The following JMJD1C variants were observed in gnomAD, a reference collection of about 807,000 sequenced individuals.
The protein encoded by JMJD1C is jumonji domain containing 1C, also known as jumonji domain-containing protein 1C.
Under a neutral mutation model 245.3 loss-of-function variants are expected in JMJD1C, and 31 were observed. That is an observed-to-expected ratio of 0.13 (90% CI 0.09 to 0.17). JMJD1C has a LOEUF of 0.17. Among genes scored for constraint, JMJD1C ranks in the 10% least tolerant of loss-of-function variants. The pLI is 1.00. For synonymous variants in JMJD1C, 1,057 were observed against 1,017.4 expected (o/e 1.04, Z -0.74); for missense variants, 2,691 against 3,000.2 (o/e 0.90, Z 2.41).
chr10:63,414,187 T>C (rs756679466), intron 1 of JMJD1C, among the ~76,000 whole-genome samples: 2 of 151,920 alleles, frequency 1.3e-5, no homozygotes, highest in African/African-American at 2.4e-5. Flanking sequence ...AGGGTTTTAC[T>C]GTGTTAACCA....
intron 2 of JMJD1C, among the ~76,000 whole-genome samples, chr10:63,337,603 G>GAAAAAGA (rs201681810): frequency 9.9e-6 from 1 of 101,180 alleles, no homozygotes; most frequent in African/African-American, 6.2e-5. Context: ...GAAAAGAAAA[G>GAAAAAGA]AAAAGAAAAG....
At chr10:63,378,519 G>C (rs989325803) in intron 2 of JMJD1C, among the ~76,000 whole-genome samples, 2 of 152,102 alleles carry the variant, frequency 1.3e-5, no homozygotes, top group African/African-American at 4.8e-5. Flanking sequence ...GTGAACCCGG[G>C]AGGCAGAGCT....
At chr10:63,330,926 A>C (rs1386881193) in intron 2 of JMJD1C, among the ~76,000 whole-genome samples, 2 of 152,150 alleles carry the variant, frequency 1.3e-5, no homozygotes, top group Non-Finnish European at 2.9e-5. Flanking sequence ...CACATCTCTG[A>C]TATAAACTGT....
chr10:63,257,811 CTACT>C (rs1854166761), intron 3 of JMJD1C, among the ~76,000 whole-genome samples: 1 of 152,024 alleles, frequency 6.6e-6, no homozygotes, highest in African/African-American at 2.4e-5. Flanking sequence ...GAAATCTTAC[CTACT>C]TATTCTTCAT....
In JMJD1C at chr10:63,340,548, A is replaced by G. The variant is rs1169928447; in HGVS notation, c.333+39770T>C. On this transcript the variant is annotated intron_variant, in intron 2 of 25. Transcript: ENST00000399262. ...GAAGGCATTTATGTTTATATCACAGAAAGTCAAGTTGTTAGAGAAACTGGA... is the reference window on the plus strand; with the variant it reads ...GAAGGCATTTATGTTTATATCACAGGAAGTCAAGTTGTTAGAGAAACTGGA... 2.6e-5 allele frequency among the ~76,000 whole-genome samples: 4 copies of G among 152,250 alleles called. No individual in the cohort carries two copies. The East Asian group carries it at 5.8e-4, about 22-fold the overall frequency.
chr10:63,432,072 C>G (rs1418921586), intron 1 of JMJD1C, among the ~76,000 whole-genome samples: 1 of 152,162 alleles, frequency 6.6e-6, no homozygotes, highest in African/African-American at 2.4e-5. Flanking sequence ...CTTGTTGTTT[C>G]AAGAAGTTCC....
intron 1 of JMJD1C, among the ~76,000 whole-genome samples, chr10:63,461,042 A>C (rs1385296271): frequency 6.6e-6 from 1 of 152,186 alleles, no homozygotes; most frequent in Non-Finnish European, 1.5e-5. Context: ...TTTACACAGA[A>C]ACACAATTAA....
chr10:63,318,870 A>G (rs1056078770), intron 2 of JMJD1C, among the ~76,000 whole-genome samples: 3 of 152,032 alleles, frequency 2.0e-5, no homozygotes, highest in Admixed American at 1.3e-4. Flanking sequence ...CCTCATCTAA[A>G]CTTATTTTTA....
intron 2 of JMJD1C, among the ~76,000 whole-genome samples, chr10:63,288,099 C>T (rs1349162136): frequency 6.6e-6 from 1 of 152,074 alleles, no homozygotes; most frequent in Admixed American, 6.6e-5. Context: ...CAGGCTAATA[C>T]TGAATTTTCT....
At chr10:63,330,174 C>A (rs1415344066) in intron 2 of JMJD1C, among the ~76,000 whole-genome samples, 1 of 152,166 alleles carries the variant, frequency 6.6e-6, no homozygotes. Flanking sequence ...AGTGCTGGGA[C>A]TACAGGCGTG....
At chr10:63,244,874 C>T (rs1467790340) in intron 3 of JMJD1C, among the ~76,000 whole-genome samples, 1 of 151,594 alleles carries the variant, frequency 6.6e-6, no homozygotes, top group Non-Finnish European at 1.5e-5. Context: ...CGGTGGCTCA[C>T]GCCTGTAATC....
chr10:63,377,563 TGTC>T (rs1308687463), intron 2 of JMJD1C, among the ~76,000 whole-genome samples: 2 of 152,026 alleles, frequency 1.3e-5, no homozygotes, highest in African/African-American at 4.8e-5. Context: ...TGAAAAACCC[TGTC>T]TCTACTAAAA....
chr10:63,396,379 A>G (rs1948488405), intron 1 of JMJD1C, among the ~76,000 whole-genome samples: 1 of 152,200 alleles, frequency 6.6e-6, no homozygotes, highest in African/African-American at 2.4e-5. Context: ...AAGAGATAAA[A>G]AAGAACAGCC....
chr10:63,439,816 CCTT>C (rs1204861183), intron 1 of JMJD1C, among the ~76,000 whole-genome samples: 1 of 152,138 alleles, frequency 6.6e-6, no homozygotes, highest in African/African-American at 2.4e-5. Flanking sequence ...ATACTGCAGT[CCTT>C]CTAGTCTACA....
chr10:63,382,616 T>C (rs2134518514), intron 1 of JMJD1C, among the ~76,000 whole-genome samples: 2 of 152,232 alleles, frequency 1.3e-5, no homozygotes, highest in Middle Eastern at 6.8e-3. Flanking sequence ...TCAAAAGCAT[T>C]TCCTTTAAGA....
chr10:63,392,686 G>A (rs187963115), intron 1 of JMJD1C, among the ~76,000 whole-genome samples: 5 of 151,758 alleles, frequency 3.3e-5, no homozygotes, highest in East Asian at 1.9e-4. Context: ...TTAGCTGGGC[G>A]TGGTGGCATG....
intron 2 of JMJD1C, among the ~76,000 whole-genome samples, chr10:63,281,131 CTTTT>C (rs754461363): frequency 9.8e-5 from 12 of 122,996 alleles, no homozygotes; most frequent in South Asian, 2.4e-4. Context: ...CACACCCGGC[CTTTT>C]TTTTTTTTTT....
chr10:63,214,221 A>T lies in JMJD1C; in HGVS notation c.1946T>A (p.Ile649Lys). The T allele has an allele frequency of 6.2e-7, 1 of 1,613,944 alleles. No homozygotes were observed. The highest frequency in any genetic ancestry group is 8.5e-7 in the Non-Finnish European group (1 of 1,179,962). ...CTTTACAGAATCAGGAGAATGAGTT[A>T]TTTTGGGTTTAACAACTTCAGGTGA... Reference protein sequence around the residue: ...SPSPEVVKPKITHSPDSVKSK... With the variant: ...SPSPEVVKPKKTHSPDSVKSK... Residue 649 changes from isoleucine (I) to lysine (K), a missense_variant, in exon 8 of 26, where the codon ATA (isoleucine) becomes AAA (lysine). Physicochemically the swap from Ile to Lys is moderately radical, Grantham distance 102 (BLOSUM62 -3). Transcript: ENST00000399262.
chr10:63,222,762 A>C (rs951547261), intron 3 of JMJD1C: 2 of 1,501,624 alleles, frequency 1.3e-6, no homozygotes, highest in Non-Finnish European at 1.9e-6. Context: ...CTGAAAACTG[A>C]AACTAATTTG....
Sources: gnomAD v4.1 joint callset for allele counts (sites outside exome capture counted in the v4.1 genomes callset) on GRCh38, gnomAD v4.1.1 for gene constraint, MANE v1.5 for transcripts, NCBI Gene and HGNC (gene_info 2026-07-23, HGNC 2026-07-21) for gene names.